LRP1B: variants seen among roughly 807,000 people sequenced by gnomAD.
The protein encoded by LRP1B is LDL receptor related protein 1B, also known as low-density lipoprotein receptor-related protein 1B.
LRP1B carries 217 observed loss-of-function variants against 556.6 expected under a neutral mutation model. The ratio of observed to expected loss-of-function variants is 0.39; its 90% CI spans 0.35 to 0.44. LRP1B has a LOEUF of 0.44. LRP1B is among the 20% of genes least tolerant of loss of function. The probability of loss-of-function intolerance (pLI) is 1.00; values close to 1 mark genes in which losing one functional copy is unlikely to be tolerated. For synonymous variants in LRP1B, 2,047 were observed against 1,865.8 expected (o/e 1.10, Z -2.50); for missense variants, 5,053 against 5,620.8 (o/e 0.90, Z 3.23).
chr2:140,379,733 G>A (rs1683392438), intron 67 of LRP1B, among the ~76,000 whole-genome samples: 3 of 151,962 alleles, frequency 2.0e-5, no homozygotes, highest in Admixed American at 2.0e-4. Context: ...CAGAACATTG[G>A]ATGGGAAGAA....
intron 3 of LRP1B, among the ~76,000 whole-genome samples, chr2:141,310,563 G>T (rs1015942065): frequency 1.3e-5 from 2 of 152,022 alleles, no homozygotes; most frequent in African/African-American, 4.8e-5. Context: ...TAAAAATGAA[G>T]ATGAGAAACC....
At position 140,345,729 on chromosome 2, in the gene LRP1B, CATAT is replaced by C. The variant is rs373184782; in HGVS notation, c.11892+5064_11892+5067del. On this transcript the variant is annotated intron_variant, in intron 77 of 90. Transcript: ENST00000389484. ...TAACTCATATATGTATATATATACA[CATAT>C]ATATACATATATATACACATATATA... Among the ~76,000 whole-genome samples the C allele has an allele frequency of 8.1e-4, 101 of 125,198 alleles. 1 individual carries two copies. Among genetic ancestry groups the C allele is most frequent in the Admixed American group, 8.7e-4 (11 of 12,596 alleles). 82.1% of individuals were successfully genotyped at this position (125,198 alleles called of 152,430 possible).
chr2:140,940,225 T>C (rs2105285364), intron 20 of LRP1B, among the ~76,000 whole-genome samples: 1 of 152,184 alleles, frequency 6.6e-6, no homozygotes, highest in East Asian at 1.9e-4. Context: ...GAATAGAAAC[T>C]TACCTGCGGA....
intron 66 of LRP1B, among the ~76,000 whole-genome samples, chr2:140,392,139 C>G (rs552849813): frequency 1.3e-5 from 2 of 152,284 alleles, no homozygotes; most frequent in South Asian, 4.1e-4. Context: ...AAAAGTCAAG[C>G]TGAGAATTAC....
At chr2:140,384,291 T>C (rs1683665448) in intron 67 of LRP1B, among the ~76,000 whole-genome samples, 2 of 152,198 alleles carry the variant, frequency 1.3e-5, no homozygotes, top group Admixed American at 1.3e-4. Flanking sequence ...ATTTGTGCAC[T>C]TAAGTTCTGT....
intron 32 of LRP1B, among the ~76,000 whole-genome samples, chr2:140,780,063 A>AG (rs1287971108): frequency 4.6e-5 from 7 of 152,000 alleles, no homozygotes; most frequent in Admixed American, 3.9e-4. Flanking sequence ...GGAAGGAAGA[A>AG]GAAAAAAAGA....
chr2:141,316,282 G>T (rs1573795550), intron 3 of LRP1B, among the ~76,000 whole-genome samples: 1 of 152,222 alleles, frequency 6.6e-6, no homozygotes, highest in South Asian at 2.1e-4. Flanking sequence ...TAAAAATGAA[G>T]CTTGAGGGCT....
intron 1 of LRP1B, among the ~76,000 whole-genome samples, chr2:142,045,514 TTAG>T (rs1704226784): frequency 6.6e-6 from 1 of 151,858 alleles, no homozygotes; most frequent in South Asian, 2.1e-4. Flanking sequence ...TATATAGGAA[TTAG>T]GTGATGTATG....
intron 77 of LRP1B, among the ~76,000 whole-genome samples, chr2:140,344,609 TGTC>T (rs1480628441): frequency 5.3e-5 from 8 of 151,860 alleles, no homozygotes; most frequent in Non-Finnish European, 1.2e-4. Flanking sequence ...AAAATAGAGT[TGTC>T]GTTAAATGAG....
intron 32 of LRP1B, among the ~76,000 whole-genome samples, chr2:140,780,480 G>A (rs1376272753): frequency 6.6e-6 from 1 of 152,150 alleles, no homozygotes; most frequent in African/African-American, 2.4e-5. Context: ...ATTGAGTGAG[G>A]CTAAGACTAT....
At chr2:140,733,016 T>C (rs895415220) in intron 35 of LRP1B, among the ~76,000 whole-genome samples, 2 of 152,174 alleles carry the variant, frequency 1.3e-5, no homozygotes, top group Non-Finnish European at 2.9e-5. Context: ...TGCATGTATG[T>C]GTGTCTGTGT....
Position 140,867,744 on chromosome 2 carries a change from C to T in LRP1B, c.4425G>A (p.Val1475=), listed in dbSNP as rs750225424. Residue 1475 remains valine (V), a synonymous_variant, in exon 27 of 91, where the codon GTG becomes GTA. Coordinates refer to ENST00000389484, the MANE Select transcript of LRP1B (RefSeq NM_018557.3). ...AGTAGACTTCACTCCCATATAGAGA[C>T]ACAGCAAAGGGATGGGAAAGGTATT... ...GHEYLSHPFA[V]SLYGSEVYWT... 4.7e-5 allele frequency: 75 copies of T among 1,611,378 alleles called. 1 individual carries two copies. The South Asian group carries it at 7.8e-4, about 17-fold the overall frequency.
intron 11 of LRP1B, among the ~76,000 whole-genome samples, chr2:141,033,063 G>A (rs1317712558): frequency 6.6e-6 from 1 of 151,852 alleles, no homozygotes; most frequent in Non-Finnish European, 1.5e-5. Flanking sequence ...GGTAACATTT[G>A]GAGTGAGCCT....
At chr2:140,895,901 G>T (rs1321859102) in intron 23 of LRP1B, among the ~76,000 whole-genome samples, 1 of 152,096 alleles carries the variant, frequency 6.6e-6, no homozygotes, top group African/African-American at 2.4e-5. Flanking sequence ...CTGCTCTGCT[G>T]CCCGTGGAGC....
chr2:140,330,372 G>GTACCAATGGTACTGGT (rs1220094743), intron 79 of LRP1B, among the ~76,000 whole-genome samples: 5 of 151,686 alleles, frequency 3.3e-5, no homozygotes, highest in African/African-American at 1.2e-4. Flanking sequence ...TACTGGTACA[G>GTACCAATGGTACTGGT]ACACATAGAC....
At chr2:140,272,003 A>C (rs143318923) in intron 85 of LRP1B, among the ~76,000 whole-genome samples, 21 of 152,074 alleles carry the variant, frequency 1.4e-4, no homozygotes, top group African/African-American at 5.1e-4. Context: ...TGTTTATCAA[A>C]TCTCATCATC....
intron 2 of LRP1B, among the ~76,000 whole-genome samples, chr2:141,676,757 T>C (rs545656810): frequency 6.6e-6 from 1 of 152,314 alleles, no homozygotes; most frequent in South Asian, 2.1e-4. Context: ...TCTTAATGAC[T>C]GTGGCTCACA....
intron 2 of LRP1B, among the ~76,000 whole-genome samples, chr2:141,767,246 G>C (rs1312712259): frequency 1.3e-5 from 2 of 152,080 alleles, no homozygotes; most frequent in African/African-American, 4.8e-5. Flanking sequence ...GTGAAGGAAA[G>C]CTATGCAAGG....
intron 84 of LRP1B, among the ~76,000 whole-genome samples, chr2:140,293,852 T>C (rs538217763): frequency 3.0e-4 from 45 of 152,314 alleles, no homozygotes; most frequent in African/African-American, 1.1e-3. Flanking sequence ...GACTATAATA[T>C]TACTACTTCG....
Sources: allele counts gnomAD v4.1 joint callset (sites outside exome capture counted in the v4.1 genomes callset), GRCh38; gene constraint gnomAD v4.1.1; transcripts MANE v1.5; gene names NCBI Gene and HGNC (gene_info 2026-07-23, HGNC 2026-07-21).